NRG3: variants seen among roughly 807,000 people sequenced by gnomAD.
NRG3 encodes the protein neuregulin 3.
In NRG3, 31 loss-of-function variants were observed where a neutral mutation model predicts 66.9. The ratio of observed to expected loss-of-function variants is 0.46; its 90% CI spans 0.35 to 0.63. The LOEUF (loss-of-function observed/expected upper bound fraction) is 0.63, where lower values mean the gene tolerates loss of function less well. Among genes scored for constraint, NRG3 ranks in the 20% least tolerant of loss-of-function variants. The pLI is 0.00. For missense variants in NRG3, 910 were observed against 878.9 expected (o/e 1.04, Z -0.45); for synonymous variants, 393 against 359.4 (o/e 1.09, Z -1.06).
chr10:82,531,753 C>T (rs1847295129), intron 2 of NRG3, among the ~76,000 whole-genome samples: 1 of 151,870 alleles, frequency 6.6e-6, no homozygotes, highest in South Asian at 2.1e-4. Context: ...TTTTCACCTT[C>T]ACCTAATCTT....
intron 4 of NRG3, among the ~76,000 whole-genome samples, chr10:82,919,096 T>TGTGTGTGTGTGC (rs1198329719): frequency 3.9e-5 from 5 of 127,120 alleles, no homozygotes; most frequent in African/African-American, 1.6e-4. Flanking sequence ...TGTGTGTGTG[T>TGTGTGTGTGTGC]GTGTATGTGT....
intron 1 of NRG3, among the ~76,000 whole-genome samples, chr10:81,985,924 T>G (rs1046329037): frequency 6.6e-6 from 1 of 152,232 alleles, no homozygotes; most frequent in African/African-American, 2.4e-5. Flanking sequence ...TTTCACACTT[T>G]GCAAAAATTA....
intron 1 of NRG3, among the ~76,000 whole-genome samples, chr10:81,961,123 T>C (rs1850317917): frequency 6.6e-6 from 1 of 152,108 alleles, no homozygotes; most frequent in African/African-American, 2.4e-5. Flanking sequence ...ATGAAGGAGG[T>C]GTGACTTGGG....
At chr10:82,872,727 G>T (rs1400516201) in intron 4 of NRG3, among the ~76,000 whole-genome samples, 1 of 145,182 alleles carries the variant, frequency 6.9e-6, no homozygotes, top group Non-Finnish European at 1.5e-5. Flanking sequence ...GGCAAGATAC[G>T]ATATGAAAAA....
intron 1 of NRG3, among the ~76,000 whole-genome samples, chr10:82,253,366 T>C (rs1181045999): frequency 6.6e-6 from 1 of 152,172 alleles, no homozygotes; most frequent in African/African-American, 2.4e-5. Flanking sequence ...CTTCTCCACA[T>C]TGACAACCAA....
intron 2 of NRG3, among the ~76,000 whole-genome samples, chr10:82,719,839 G>A (rs776813395): frequency 3.3e-5 from 5 of 152,044 alleles, no homozygotes; most frequent in African/African-American, 4.8e-5. Context: ...TACTTAAAGA[G>A]GTTTCTGTTT....
chr10:82,070,472 C>T (rs2064744108), intron 1 of NRG3, among the ~76,000 whole-genome samples: 1 of 151,988 alleles, frequency 6.6e-6, no homozygotes, highest in African/African-American at 2.4e-5. Flanking sequence ...CCTTTTTAGT[C>T]ATTGGAGCAA....
intron 3 of NRG3, among the ~76,000 whole-genome samples, chr10:82,769,244 A>G (rs1276495775): frequency 6.6e-6 from 1 of 152,102 alleles, no homozygotes; most frequent in Non-Finnish European, 1.5e-5. Context: ...TGTGACTTCT[A>G]TTCTTTTTAC....
intron 2 of NRG3, among the ~76,000 whole-genome samples, chr10:82,714,449 G>T (rs372577464): frequency 2.6e-5 from 4 of 152,132 alleles, no homozygotes; most frequent in African/African-American, 9.7e-5. Flanking sequence ...TCATGCTTCC[G>T]TGTCATTTTC....
chr10:82,106,569 A>C (rs1021910586), intron 1 of NRG3, among the ~76,000 whole-genome samples: 7 of 151,074 alleles, frequency 4.6e-5, no homozygotes, highest in Non-Finnish European at 8.8e-5. Flanking sequence ...AAAGTTGCAC[A>C]ATCTTGGCTC....
chr10:82,767,609 T>C (rs1204349052), intron 3 of NRG3, among the ~76,000 whole-genome samples: 4 of 152,084 alleles, frequency 2.6e-5, no homozygotes, highest in African/African-American at 9.6e-5. Flanking sequence ...TTGGATCTCC[T>C]GGATTGGTTT....
intron 2 of NRG3, among the ~76,000 whole-genome samples, chr10:82,495,866 G>C (rs1324045602): frequency 6.7e-6 from 1 of 150,046 alleles, no homozygotes; most frequent in East Asian, 1.9e-4. Context: ...CTGGTGTCCT[G>C]CCACTTTCTC....
chr10:82,779,057 A>G (rs2060017360), intron 3 of NRG3, among the ~76,000 whole-genome samples: 1 of 152,068 alleles, frequency 6.6e-6, no homozygotes, highest in South Asian at 2.1e-4. Flanking sequence ...TTCCTGGGGC[A>G]GGGCATACTC....
At chr10:82,082,506 A>C (rs1346944496) in intron 1 of NRG3, among the ~76,000 whole-genome samples, 1 of 152,170 alleles carries the variant, frequency 6.6e-6, no homozygotes, top group Non-Finnish European at 1.5e-5. Context: ...TTTGCGGTTC[A>C]TAACAGGGTT....
At chr10:82,444,334 C>T (rs1425783897) in intron 2 of NRG3, among the ~76,000 whole-genome samples, 2 of 152,132 alleles carry the variant, frequency 1.3e-5, no homozygotes, top group Non-Finnish European at 2.9e-5. Context: ...AACTCCTGAC[C>T]TTAGGTGATC....
intron 4 of NRG3, among the ~76,000 whole-genome samples, chr10:82,868,516 T>C (rs1348093450): frequency 2.0e-5 from 3 of 152,120 alleles, no homozygotes; most frequent in Admixed American, 2.0e-4. Context: ...AGGGATTGGC[T>C]GGTATGCATA....
intron 1 of NRG3, among the ~76,000 whole-genome samples, chr10:82,345,444 C>T: frequency 6.6e-6 from 1 of 151,826 alleles, no homozygotes; most frequent in Non-Finnish European, 1.5e-5. Context: ...GGTACCAGTA[C>T]CATGCTGTTT....
At chr10:82,935,632 T>G (rs1205312850) in intron 4 of NRG3, among the ~76,000 whole-genome samples, 1 of 152,078 alleles carries the variant, frequency 6.6e-6, no homozygotes, top group East Asian at 1.9e-4. Flanking sequence ...TTCTCTTTTT[T>G]TTTAAACGGA....
intron 2 of NRG3, among the ~76,000 whole-genome samples, chr10:82,370,949 AACACACACACACACAC>A (rs145443212): frequency 1.4e-5 from 2 of 147,152 alleles, no homozygotes; most frequent in African/African-American, 4.9e-5. Flanking sequence ...CCACCTTACA[AACACACACACACACAC>A]ACACACACAC....
Sources: gnomAD v4.1 joint callset for allele counts (sites outside exome capture counted in the v4.1 genomes callset) on GRCh38, gnomAD v4.1.1 for gene constraint, MANE v1.5 for transcripts, NCBI Gene and HGNC (gene_info 2026-07-23, HGNC 2026-07-21) for gene names.